The following LHFPL4 variants were observed in gnomAD, a reference collection of about 807,000 sequenced individuals.
LHFPL4 encodes the protein LHFPL tetraspan subfamily member 4, also known as LHFPL tetraspan subfamily member 4 protein.
In LHFPL4, 6 loss-of-function variants were observed where a neutral mutation model predicts 20.0. The ratio of observed to expected loss-of-function variants is 0.30; its 90% CI spans 0.16 to 0.59. The LOEUF is 0.59. LHFPL4 is among the 20% of genes least tolerant of loss of function. The probability of loss-of-function intolerance (pLI) is 0.88; values close to 1 mark genes in which losing one functional copy is unlikely to be tolerated. For missense variants in LHFPL4, 215 were observed against 331.2 expected, an observed-to-expected ratio of 0.65 and a Z score of 2.72; for synonymous variants, 129 against 143.8, an observed-to-expected ratio of 0.90 and a Z score of 0.74.
intron 3 of LHFPL4, among the ~76,000 whole-genome samples, chr3:9,504,749 C>T (rs990727625): frequency 3.3e-5 from 5 of 150,470 alleles, no homozygotes; most frequent in South Asian, 2.1e-4. Flanking sequence ...GGTGTGAACC[C>T]GGGAGGTGGA....
chr3:9,508,951 T>G (rs1465719571), intron 2 of LHFPL4, among the ~76,000 whole-genome samples: 1 of 152,144 alleles, frequency 6.6e-6, no homozygotes, highest in East Asian at 1.9e-4. Context: ...TTGCCACCTC[T>G]CTGGTCGTCC....
intron 2 of LHFPL4, among the ~76,000 whole-genome samples, chr3:9,545,441 G>A (rs1230037525): frequency 6.6e-6 from 1 of 152,188 alleles, no homozygotes; most frequent in Non-Finnish European, 1.5e-5. Context: ...CACTTTGGGA[G>A]GCCAAGGTGG....
At chr3:9,542,806 C>CAAAAA (rs148495276) in intron 2 of LHFPL4, among the ~76,000 whole-genome samples, 11 of 78,470 alleles carry the variant, frequency 1.4e-4, no homozygotes, top group African/African-American at 4.8e-4. Flanking sequence ...GGCCCTATCT[C>CAAAAA]AAAAAAAAAA....
At position 9,552,611 on chromosome 3, in the gene LHFPL4, G is replaced by T; in HGVS notation, c.69C>A (p.Gly23=). The T allele has an allele frequency of 1.2e-6, 2 of 1,613,904 alleles. No homozygotes were observed. Among genetic ancestry groups the T allele is most frequent in the Non-Finnish European group, 8.5e-7 (1 of 1,179,928 alleles). Residue 23 remains glycine (G), a synonymous_variant, in exon 2 of 4, where the codon GGC becomes GGA. Transcript: ENST00000287585. ...EHYMRNSRAI[G]VLWAIFTICF... is the part of the protein sequence containing the mutation. The stretch of plus-strand genomic sequence containing the variant: ...AGATGGTGAAGATGGCCCACAGCAC[G>T]CCGATGGCCCGCGAGTTCCGCATGT...
intron 2 of LHFPL4, among the ~76,000 whole-genome samples, chr3:9,549,512 A>G (rs2125668723): frequency 6.6e-6 from 1 of 152,266 alleles, no homozygotes; most frequent in South Asian, 2.1e-4. Flanking sequence ...CCTGGCCAAC[A>G]TGGCGAAACC....
chr3:9,544,890 G>A (rs2046501827), intron 2 of LHFPL4, among the ~76,000 whole-genome samples: 1 of 152,114 alleles, frequency 6.6e-6, no homozygotes, highest in Non-Finnish European at 1.5e-5. Context: ...AACTGTGTTG[G>A]AAGTCCCCTC....
chr3:9,501,958 C>T lies in LHFPL4; in HGVS notation c.*253G>A, dbSNP rs62246343. On this transcript the variant is annotated 3_prime_UTR_variant, in exon 4 of 4. Coordinates refer to ENST00000287585, the MANE Select transcript of LHFPL4 (RefSeq NM_198560.3). ...AGGAGAGGAGAAGCCCAAGGGCCTA[C>T]GCAGATGCAGGCTCCCTTAGGTCAA... is the stretch of plus-strand genomic sequence containing the variant. The T allele has an allele frequency of 0.13, 68,801 of 534,858 alleles. 5,518 individuals are homozygous for T. The highest frequency in any genetic ancestry group is 0.17 in the Non-Finnish European group (51,437 of 295,152). The allele number at this position is 534,858 out of a possible 1,614,324, so 33.1% of individuals were successfully genotyped here. A position where few individuals can be genotyped will look rare whatever the true frequency, so the allele number is the denominator to read the frequency against.
intron 2 of LHFPL4, among the ~76,000 whole-genome samples, chr3:9,507,135 TAGG>T (rs1490603111): frequency 6.6e-6 from 1 of 152,144 alleles, no homozygotes; most frequent in African/African-American, 2.4e-5. Context: ...CAAGGGCGAT[TAGG>T]AGGATTAAAT....
chr3:9,504,118 C>T (rs1481236141), intron 3 of LHFPL4, among the ~76,000 whole-genome samples: 3 of 152,182 alleles, frequency 2.0e-5, no homozygotes. Flanking sequence ...TGCCTGTAAT[C>T]CCAACACTTT....
At chr3:9,515,382 T>C (rs79554750) in intron 2 of LHFPL4, among the ~76,000 whole-genome samples, 1 of 152,212 alleles carries the variant, frequency 6.6e-6, no homozygotes, top group Admixed American at 6.5e-5. Context: ...GTTCTTTTTT[T>C]AATTTTTTTG....
chr3:9,504,226 C>G (rs1006361920), intron 3 of LHFPL4, among the ~76,000 whole-genome samples: 2 of 151,752 alleles, frequency 1.3e-5, no homozygotes, highest in Non-Finnish European at 2.9e-5. Flanking sequence ...CAACAGTTAG[C>G]TGGGTGTGGT....
At chr3:9,543,499 C>G (rs951426796) in intron 2 of LHFPL4, among the ~76,000 whole-genome samples, 13 of 146,842 alleles carry the variant, frequency 8.9e-5, no homozygotes, top group African/African-American at 3.0e-4. Flanking sequence ...GATTCTGTCT[C>G]AAAACAAAAA....
At chr3:9,513,511 T>C (rs1048650393) in intron 2 of LHFPL4, among the ~76,000 whole-genome samples, 4 of 152,070 alleles carry the variant, frequency 2.6e-5, no homozygotes, top group Non-Finnish European at 4.4e-5. Flanking sequence ...AAAAATTATT[T>C]TGGTAAAGAC....
At chr3:9,512,310 C>G (rs2046266659) in intron 2 of LHFPL4, among the ~76,000 whole-genome samples, 1 of 152,162 alleles carries the variant, frequency 6.6e-6, no homozygotes, top group Non-Finnish European at 1.5e-5. Context: ...TGACATTTGC[C>G]CAACCCATTT....
At position 9,500,171 on chromosome 3, in the gene LHFPL4, T is replaced by A. The variant is rs2046160857; in HGVS notation, c.*2040A>T. On this transcript the variant is annotated 3_prime_UTR_variant, in exon 4 of 4. Coordinates refer to ENST00000287585, the MANE Select transcript of LHFPL4 (RefSeq NM_198560.3). ...AGTGTCTTCTCCCATTCCCAGTCGC[T>A]TGCTGCGCCCCTCCCCTCACTCTCT... 1 of 152,366 alleles carries A rather than the reference T, an allele frequency of 6.6e-6. No individual in the cohort carries two copies. The highest frequency in any genetic ancestry group is 6.6e-5 in the Admixed American group (1 of 15,246). 9.4% of individuals were successfully genotyped at this position (152,366 alleles called of 1,614,324 possible). A position where few individuals can be genotyped will look rare whatever the true frequency, so the allele number is the denominator to read the frequency against.
At chr3:9,508,521 C>T (rs961918669) in intron 2 of LHFPL4, among the ~76,000 whole-genome samples, 1 of 152,148 alleles carries the variant, frequency 6.6e-6, no homozygotes, top group Non-Finnish European at 1.5e-5. Context: ...AGGGGAAAAC[C>T]GGGGCTAGAC....
At chr3:9,502,978 C>G (rs2046188465) in intron 3 of LHFPL4, among the ~76,000 whole-genome samples, 1 of 151,874 alleles carries the variant, frequency 6.6e-6, no homozygotes, top group South Asian at 2.1e-4. Flanking sequence ...TCTTTGGTTC[C>G]AGAGGTCTTC....
At chr3:9,546,064 A>G (rs1346962825) in intron 2 of LHFPL4, among the ~76,000 whole-genome samples, 1 of 152,110 alleles carries the variant, frequency 6.6e-6, no homozygotes, top group Non-Finnish European at 1.5e-5. Flanking sequence ...CTGTAATCCC[A>G]GTACTTTGGG....
At chr3:9,508,681 C>T (rs2046236948) in intron 2 of LHFPL4, among the ~76,000 whole-genome samples, 1 of 152,120 alleles carries the variant, frequency 6.6e-6, no homozygotes. Context: ...GAAGGCCTGG[C>T]CGTCATCTCT....
Sources: allele counts gnomAD v4.1 joint callset (sites outside exome capture counted in the v4.1 genomes callset), GRCh38; gene constraint gnomAD v4.1.1; transcripts MANE v1.5; gene names NCBI Gene and HGNC (gene_info 2026-07-23, HGNC 2026-07-21).